Variants in PROCA1 observed in about 807,000 individuals in gnomAD.
PROCA1 encodes the protein protein PROCA1.
PROCA1 carries 22 observed loss-of-function variants against 23.2 expected under a neutral mutation model. That is an observed-to-expected ratio of 0.95 (90% CI 0.68 to 1.35). The LOEUF (loss-of-function observed/expected upper bound fraction) is 1.35. PROCA1 is among the 40% of genes most tolerant of loss of function. PROCA1 has a pLI of 0.00. For missense variants in PROCA1, 469 were observed against 459.8 expected (o/e 1.02, Z -0.18); for synonymous variants, 182 against 179.2 (o/e 1.02, Z -0.12).
At chr17:28,709,401 G>A (rs1432446474) in intron 1 of PROCA1, among the ~76,000 whole-genome samples, 2 of 151,852 alleles carry the variant, frequency 1.3e-5, no homozygotes, top group Non-Finnish European at 2.9e-5. Context: ...GACTACAGAC[G>A]CCCACCACCA....
In PROCA1 at chr17:28,711,407, AGCTCCGC is replaced by A; in HGVS notation, c.91+156_91+162del. On this transcript the variant is annotated intron_variant, in intron 1 of 4. Transcript: ENST00000682792. ...TCGACGCGAGCCCGCCCCCGGCCCT[AGCTCCGC>A]CCCGGCCCTAGCTCCGCCCCGGCCC... is the stretch of plus-strand genomic sequence containing the variant. 6 of 495,560 alleles carry A rather than the reference AGCTCCGC, an allele frequency of 1.2e-5. No homozygotes were observed. The South Asian group carries it at 2.0e-4, about 16-fold the overall frequency. 30.7% of individuals were successfully genotyped at this position (495,560 alleles called of 1,614,324 possible). A position where few individuals can be genotyped will look rare whatever the true frequency, so the allele number is the denominator to read the frequency against.
intron 1 of PROCA1, among the ~76,000 whole-genome samples, chr17:28,708,723 A>G (rs1237546827): frequency 6.7e-6 from 1 of 149,914 alleles, no homozygotes; most frequent in African/African-American, 2.5e-5. Context: ...CCCGTTCTCC[A>G]GAAAAAGGAA....
At position 28,703,743 on chromosome 17, in the gene PROCA1, C is replaced by G. The variant is rs547305035; in HGVS notation, c.910G>C (p.Glu304Gln). The G allele has an allele frequency of 1.1e-5, 18 of 1,614,168 alleles. No homozygotes were observed. The African/African-American group carries it at 2.1e-4, about 19-fold the overall frequency. ...ESSPESREEL[E>Q]SEDSYNGRGQ... ...CGGCCATTGTAACTGTCCTCGCTCT[C>G]CAGCTCTTCCCGGCTTTCTGGGCTG... Residue 304 changes from glutamate (E) to glutamine (Q), a missense_variant, in exon 5 of 5, where the codon GAG (glutamate) becomes CAG (glutamine). Physicochemically the swap from Glu to Gln is conservative, Grantham distance 29 (BLOSUM62 2). Coordinates refer to ENST00000682792, the MANE Select transcript of PROCA1 (RefSeq NM_001366301.1).
At position 28,711,807 on chromosome 17, in the gene PROCA1, AGCCCCC is replaced by A. The variant is rs2032800677; in HGVS notation, c.-153_-148del. 4.8e-6 allele frequency: 3 copies of A among 631,394 alleles called. No homozygotes were observed. Among genetic ancestry groups the A allele is most frequent in the Non-Finnish European group, 7.6e-6 (3 of 394,162 alleles). 39.1% of individuals were successfully genotyped at this position (631,394 alleles called of 1,614,324 possible). A position where few individuals can be genotyped will look rare whatever the true frequency, so the allele number is the denominator to read the frequency against. ...CCCTAACCCCGCCTCATGCTGGCGCAGCCCCCGCCGGCCTCCCCAGCCCGGCTCCAG... is the reference window on the plus strand; with the variant it reads ...CCCTAACCCCGCCTCATGCTGGCGCAGCCGGCCTCCCCAGCCCGGCTCCAG... On this transcript the variant is annotated 5_prime_UTR_variant, in exon 1 of 5. Transcript: ENST00000682792.
Position 28,704,866 on chromosome 17 carries a change from C to A in PROCA1, c.176-23G>T. ...CACCTGAGGGGGCAGGAGTCTGGGTCATCAGTAGCAGCCGCAGACCTCTGG... is the reference window on the plus strand; with the variant it reads ...CACCTGAGGGGGCAGGAGTCTGGGTAATCAGTAGCAGCCGCAGACCTCTGG... On this transcript the variant is annotated intron_variant, in intron 2 of 4. Transcript: ENST00000682792. 3 of 1,609,408 alleles carry A rather than the reference C, an allele frequency of 1.9e-6. No individual in the cohort carries two copies. The South Asian group carries it at 3.3e-5, about 18-fold the overall frequency.
chr17:28,711,510 C>A, intron 1 of PROCA1, 60 bp downstream of exon 1: 2 of 1,425,114 alleles, frequency 1.4e-6, no homozygotes, highest in South Asian at 1.2e-5. Flanking sequence ...CCGCGTGCGC[C>A]GCTCGGGGTC....
intron 4 of PROCA1, 28 bp downstream of exon 4, chr17:28,704,279 C>T: frequency 6.3e-7 from 1 of 1,596,856 alleles, no homozygotes. Context: ...GAGGCCCCTT[C>T]CCCATCAGCC....
Position 28,704,537 on chromosome 17 carries a change from C to T in PROCA1, c.312-102G>A, listed in dbSNP as rs573449904. On this transcript the variant is annotated intron_variant, in intron 3 of 4. Coordinates refer to ENST00000682792, the MANE Select transcript of PROCA1 (RefSeq NM_001366301.1). ...GGCTTCCGCTGGGCCTGCCTCAGGCCAACAGACCTCCTCCCCATTTCTCTT... is the reference window on the plus strand; with the variant it reads ...GGCTTCCGCTGGGCCTGCCTCAGGCTAACAGACCTCCTCCCCATTTCTCTT... 3.3e-5 allele frequency: 51 copies of T among 1,546,138 alleles called. No individual in the cohort carries two copies. In the African/African-American group the frequency reaches 5.7e-4, roughly 17 times the overall value.
At position 28,704,335 on chromosome 17, in the gene PROCA1, C is replaced by T. The variant is rs1174475888; in HGVS notation, c.412G>A (p.Glu138Lys). 6.2e-7 allele frequency: 1 copy of T among 1,613,986 alleles called. No individual in the cohort carries two copies. Among genetic ancestry groups the T allele is most frequent in the Non-Finnish European group, 8.5e-7 (1 of 1,179,934 alleles). The change falls in exon 4 of 5, where the codon GAG becomes AAG. Residue 138 changes from glutamate (E) to lysine (K), a missense_variant. Glu to Lys is a moderately conservative substitution (Grantham distance 56). Transcript: ENST00000682792. ...CCATACCGGAATCGCTCCACATGCT[C>T]CTCCTCCGGTGTGAGCTCAAAGCAA... ...SPCFELTPEEEHVERFRYGWC... is the reference protein window; with the variant it reads ...SPCFELTPEEKHVERFRYGWC...
Position 28,711,839 on chromosome 17 carries a change from G to A in PROCA1, c.-179C>T. On this transcript the variant is annotated 5_prime_UTR_variant, in exon 1 of 5. Coordinates refer to ENST00000682792, the MANE Select transcript of PROCA1 (RefSeq NM_001366301.1). ...GCCGGCCTCCCCAGCCCGGCTCCAG[G>A]CTGCGTAGTCTTCCCAGCTGGGTCT... is the stretch of plus-strand genomic sequence containing the variant. 1 of 547,482 alleles carries A rather than the reference G, an allele frequency of 1.8e-6. No individual in the cohort carries two copies. Among genetic ancestry groups the A allele is most frequent in the South Asian group, 2.4e-5 (1 of 40,866 alleles). The allele number at this position is 547,482 out of a possible 1,614,324, so 33.9% of individuals were successfully genotyped here. A position where few individuals can be genotyped will look rare whatever the true frequency, so the allele number is the denominator to read the frequency against.
At position 28,704,803 on chromosome 17, in the gene PROCA1, C is replaced by T. The variant is rs547864398; in HGVS notation, c.216G>A (p.Lys72=). The T allele has an allele frequency of 6.2e-7, 1 of 1,613,560 alleles. No homozygotes were observed. Among genetic ancestry groups the T allele is most frequent in the Admixed American group, 1.7e-5 (1 of 60,012 alleles). ...KEPDKCCWRH[K]QCTGHIIYPF... The stretch of plus-strand genomic sequence containing the variant: ...GGTAGATGATGTGCCCAGTGCACTG[C>T]TTGTGTCTCCAGCAGCACTTGTCAG... The change falls in exon 3 of 5, where the codon AAG becomes AAA. Residue 72 remains lysine, a synonymous_variant. Coordinates refer to ENST00000682792, the MANE Select transcript of PROCA1 (RefSeq NM_001366301.1).
intron 1 of PROCA1, chr17:28,711,306 A>G (rs992904066): frequency 1.7e-4 from 99 of 573,066 alleles, no homozygotes; most frequent in Non-Finnish European, 2.5e-4. Context: ...CTCTGGCTGG[A>G]ACCAGACTTC....
chr17:28,711,113 G>A (rs560550539), intron 1 of PROCA1: 3 of 1,180,748 alleles, frequency 2.5e-6, no homozygotes, highest in East Asian at 5.9e-5. Context: ...CCGCCGCGGA[G>A]GTAATTGTGA....
intron 1 of PROCA1, chr17:28,711,304 G>C: frequency 1.7e-6 from 1 of 575,664 alleles, no homozygotes; most frequent in Non-Finnish European, 2.8e-6. Flanking sequence ...AGCTCTGGCT[G>C]GAACCAGACT....
intron 1 of PROCA1, chr17:28,710,976 G>GGCGGGAAGGGAGGGAAGGA (rs1597742809): frequency 7.8e-7 from 1 of 1,280,542 alleles, no homozygotes; most frequent in Non-Finnish European, 1.0e-6. Flanking sequence ...AAAGGAGTAG[G>GGCGGGAAGGGAGGGAAGGA]GTGGGAAGGG....
chr17:28,705,206 C>T, intron 2 of PROCA1: 1 of 232,620 alleles, frequency 4.3e-6, no homozygotes, highest in Admixed American at 5.2e-5. Flanking sequence ...GGCCCTCCTG[C>T]TATGGCACCC....
At chr17:28,709,941 G>C (rs902380019) in intron 1 of PROCA1, among the ~76,000 whole-genome samples, 2 of 152,092 alleles carry the variant, frequency 1.3e-5, no homozygotes, top group African/African-American at 2.4e-5. Flanking sequence ...AGGTTGCAGT[G>C]AGCCGATATC....
intron 1 of PROCA1, chr17:28,711,341 C>T: frequency 1.8e-6 from 1 of 558,652 alleles, no homozygotes; most frequent in Non-Finnish European, 3.0e-6. Context: ...GGCGACCCAG[C>T]AGGGCCTCAG....
rs760811240 is a variant in PROCA1 at position 28,704,197 on chromosome 17, T to G, written c.456A>C (p.Arg152Ser). The G allele has an allele frequency of 1.3e-6, 2 of 1,547,524 alleles. No individual in the cohort carries two copies. Among genetic ancestry groups the G allele is most frequent in the Non-Finnish European group, 1.7e-6 (2 of 1,149,674 alleles). The change falls in exon 5 of 5, where the codon AGA becomes AGC. Residue 152 changes from arginine to serine, a missense_variant. Coordinates refer to ENST00000682792, the MANE Select transcript of PROCA1 (RefSeq NM_001366301.1). ...GGTGGATCACTGCCACAGAGACAGG[T>G]CTGTAGCTTTTGCACCTGGGAGAAG... Reference protein sequence around the residue: ...RFRYGWCKSYRPVSVAVIHHP... With the variant: ...RFRYGWCKSYSPVSVAVIHHP...
Sources: gnomAD v4.1 joint callset for allele counts (sites outside exome capture counted in the v4.1 genomes callset) on GRCh38, gnomAD v4.1.1 for gene constraint, MANE v1.5 for transcripts, NCBI Gene and HGNC (gene_info 2026-07-23, HGNC 2026-07-21) for gene names.